The following SNX25 variants were observed in gnomAD, a reference collection of about 807,000 sequenced individuals.
The protein encoded by SNX25 is sorting nexin-25.
A neutral mutation model predicts 113.7 loss-of-function variants in SNX25; 62 were observed. That is an observed-to-expected ratio of 0.55 (90% CI 0.44 to 0.67). The LOEUF is 0.67. Ranked by LOEUF, SNX25 falls within the 30% of genes least tolerant of loss-of-function variation. SNX25 has a pLI of 0.00. For missense variants in SNX25, 1,014 were observed against 1,161.0 expected, an observed-to-expected ratio of 0.87 and a Z score of 1.84; for synonymous variants, 421 against 436.2, an observed-to-expected ratio of 0.97 and a Z score of 0.43.
Position 185,272,054 on chromosome 4 carries a change from C to T in SNX25, c.1091+4899C>T, listed in dbSNP as rs147485006. On this transcript the variant is annotated intron_variant, in intron 5 of 18. Transcript: ENST00000652585. ...TTTCCTTTGTCTTCTTTTCTGGATG[C>T]AGGATGTTGAAGTGAAGATGTGGTG... Among the ~76,000 whole-genome samples, 434 of 152,220 alleles carry T rather than the reference C, an allele frequency of 2.9e-3. 1 individual carries two copies. Among genetic ancestry groups the T allele is most frequent in the Admixed American group, 4.8e-3 (73 of 15,280 alleles).
At chr4:185,312,584 G>A (rs951980428) in intron 7 of SNX25, among the ~76,000 whole-genome samples, 4 of 150,590 alleles carry the variant, frequency 2.7e-5, no homozygotes, top group African/African-American at 4.9e-5. Context: ...ATGCATTGGC[G>A]CGATATCGGC....
chr4:185,239,389 A>T (rs1049263748), intron 1 of SNX25, among the ~76,000 whole-genome samples: 2 of 152,164 alleles, frequency 1.3e-5, no homozygotes, highest in Non-Finnish European at 2.9e-5. Flanking sequence ...AGGCTGAGGC[A>T]GGAGAATGGC....
intron 5 of SNX25, among the ~76,000 whole-genome samples, chr4:185,275,790 A>T (rs943934969): frequency 1.3e-5 from 2 of 152,202 alleles, no homozygotes; most frequent in African/African-American, 4.8e-5. Context: ...AGCACATATA[A>T]ACTGCCAAGG....
intron 5 of SNX25, among the ~76,000 whole-genome samples, chr4:185,284,168 G>C (rs1270123932): frequency 6.6e-6 from 1 of 152,112 alleles, no homozygotes; most frequent in African/African-American, 2.4e-5. Context: ...GGTGAAAAAA[G>C]TAGCATATCT....
At chr4:185,288,563 A>G (rs1446701896) in intron 6 of SNX25, among the ~76,000 whole-genome samples, 1 of 105,062 alleles carries the variant, frequency 9.5e-6, no homozygotes, top group Non-Finnish European at 1.8e-5. Context: ...TTGGATTGCT[A>G]ATAGCTTTTT....
At chr4:185,236,237 A>G (rs1384185665) in intron 1 of SNX25, among the ~76,000 whole-genome samples, 1 of 151,502 alleles carries the variant, frequency 6.6e-6, no homozygotes, top group African/African-American at 2.4e-5. Flanking sequence ...ATCTTTCCCT[A>G]TAACTTTTTA....
chr4:185,316,235 A>G (rs574169735), intron 7 of SNX25, among the ~76,000 whole-genome samples: 1 of 152,272 alleles, frequency 6.6e-6, no homozygotes, highest in African/African-American at 2.4e-5. Flanking sequence ...CTTCCTGATT[A>G]GTTTTTGTTG....
At chr4:185,276,904 G>A (rs1749783099) in intron 5 of SNX25, among the ~76,000 whole-genome samples, 1 of 152,182 alleles carries the variant, frequency 6.6e-6, no homozygotes, top group African/African-American at 2.4e-5. Context: ...TCTGTGATCA[G>A]ATAAAAAGCC....
intron 5 of SNX25, among the ~76,000 whole-genome samples, chr4:185,276,452 C>T (rs185695275): frequency 3.5e-4 from 53 of 152,302 alleles, no homozygotes; most frequent in African/African-American, 1.3e-3. Flanking sequence ...AGGTCGGAAC[C>T]GTTTTAAAGC....
At chr4:185,316,896 T>C (rs922938342) in intron 7 of SNX25, among the ~76,000 whole-genome samples, 7 of 152,228 alleles carry the variant, frequency 4.6e-5, no homozygotes, top group Non-Finnish European at 7.3e-5. Context: ...TAAAGTCAAA[T>C]GTTATAGTGT....
chr4:185,206,619 A>G (rs1190447238), upstream of SNX25, among the ~76,000 whole-genome samples: 2 of 138,954 alleles, frequency 1.4e-5, no homozygotes, highest in African/African-American at 2.7e-5. Context: ...AGATTGCGCC[A>G]TTGCACTCCA....
intron 5 of SNX25, among the ~76,000 whole-genome samples, chr4:185,267,956 A>G (rs1031737522): frequency 1.3e-5 from 2 of 152,224 alleles, no homozygotes; most frequent in African/African-American, 2.4e-5. Flanking sequence ...ATCATCATAA[A>G]GGTCTTCATC....
intron 6 of SNX25, among the ~76,000 whole-genome samples, chr4:185,309,469 A>G (rs540850229): frequency 6.6e-6 from 1 of 152,218 alleles, no homozygotes; most frequent in Non-Finnish European, 1.5e-5. Flanking sequence ...ATCACCTGCC[A>G]TATTGTCCAG....
chr4:185,219,571 A>G (rs1196121229), intron 1 of SNX25, among the ~76,000 whole-genome samples: 1 of 152,156 alleles, frequency 6.6e-6, no homozygotes, highest in Non-Finnish European at 1.5e-5. Context: ...AAAAAACAAA[A>G]AAAGAAAAAA....
At chr4:185,244,784 G>GT (rs1744585981) in intron 1 of SNX25, among the ~76,000 whole-genome samples, 1 of 151,864 alleles carries the variant, frequency 6.6e-6, no homozygotes, top group Non-Finnish European at 1.5e-5. Flanking sequence ...ACATCTTAAG[G>GT]TTTTAAAAAA....
downstream of SNX25, among the ~76,000 whole-genome samples, chr4:185,367,708 C>G (rs1460535382): frequency 6.6e-6 from 1 of 152,146 alleles, no homozygotes; most frequent in Admixed American, 6.5e-5. Context: ...ATATAGAGCT[C>G]TCATCCAAAC....
In SNX25 at chr4:185,351,559, T is replaced by A; in HGVS notation, c.2416T>A (p.Leu806Ile). 1 of 1,614,202 alleles carries A rather than the reference T, an allele frequency of 6.2e-7. No homozygotes were observed. The highest frequency in any genetic ancestry group is 8.5e-7 in the Non-Finnish European group (1 of 1,180,042). Residue 806 changes from leucine (L) to isoleucine (I), a missense_variant, in exon 14 of 19, where the codon TTA (leucine) becomes ATA (isoleucine). By Grantham distance (5) the Leu-to-Ile change is conservative. Coordinates refer to ENST00000652585, the MANE Select transcript of SNX25 (RefSeq NM_001378034.2). ...DVQGKKNSFSLSSFLERLPRD... is the reference protein window; with the variant it reads ...DVQGKKNSFSISSFLERLPRD... Reference sequence around the variant, plus strand: ...GCAGGGGAAAAAAAATTCTTTTTCATTATCCTCATTTTTGGAAAGACTTCC... The same window carrying A: ...GCAGGGGAAAAAAAATTCTTTTTCAATATCCTCATTTTTGGAAAGACTTCC...
At chr4:185,362,839 T>TAA in intron 18 of SNX25, 128 bp downstream of exon 18, 1 of 195,870 alleles carries the variant, frequency 5.1e-6, no homozygotes, top group Non-Finnish European at 9.2e-6. Flanking sequence ...TCCCTTGACT[T>TAA]TTTTTTTTTT....
chr4:185,233,324 G>A (rs1409426638), intron 1 of SNX25, among the ~76,000 whole-genome samples: 1 of 151,770 alleles, frequency 6.6e-6, no homozygotes, highest in African/African-American at 2.4e-5. Flanking sequence ...TGAGTACAGA[G>A]AACATAATTT....
Sources: gnomAD v4.1 joint callset for allele counts (sites outside exome capture counted in the v4.1 genomes callset) on GRCh38, gnomAD v4.1.1 for gene constraint, MANE v1.5 for transcripts, NCBI Gene and HGNC (gene_info 2026-07-23, HGNC 2026-07-21) for gene names.